Variants in PRMT7 observed in about 807,000 individuals in gnomAD.
The protein encoded by PRMT7 is protein arginine methyltransferase 7, also known as protein arginine N-methyltransferase 7.
PRMT7 carries 75 observed loss-of-function variants against 85.4 expected under a neutral mutation model. The observed-to-expected ratio is 0.88, with a 90% confidence interval of 0.73 to 1.06. PRMT7 has a LOEUF of 1.06. Among genes scored for constraint, PRMT7 ranks in the 50% least tolerant of loss-of-function variants. PRMT7 has a pLI of 0.00. For missense variants in PRMT7, 868 were observed against 915.2 expected, an observed-to-expected ratio of 0.95 and a Z score of 0.67; for synonymous variants, 397 against 359.5, an observed-to-expected ratio of 1.10 and a Z score of -1.18.
intron 2 of PRMT7, among the ~76,000 whole-genome samples, chr16:68,313,260 A>G (rs932833863): frequency 1.3e-5 from 2 of 152,160 alleles, no homozygotes; most frequent in Admixed American, 6.5e-5. Flanking sequence ...TAACGTGCCA[A>G]TGTAGTAAAG....
At chr16:68,353,306 G>T in intron 15 of PRMT7, 186 bp from the exon 16 acceptor site, 1 of 1,319,458 alleles carries the variant, frequency 7.6e-7, no homozygotes, top group South Asian at 1.6e-5. Flanking sequence ...GTCAGAGCTT[G>T]CAGGTTCCCG....
At chr16:68,335,576 T>C (rs2084546757) in intron 6 of PRMT7, among the ~76,000 whole-genome samples, 2 of 151,514 alleles carry the variant, frequency 1.3e-5, no homozygotes, top group Non-Finnish European at 2.9e-5. Context: ...GTGAGCTTCA[T>C]AGGAAGTGTG....
chr16:68,347,407 G>A (rs2086581654), intron 12 of PRMT7, 113 bp downstream of exon 12: 2 of 1,179,736 alleles, frequency 1.7e-6, no homozygotes, highest in East Asian at 5.2e-5. Flanking sequence ...CACTGTTGTG[G>A]GCACAGCATG....
chr16:68,348,124 A>G (rs1325247162), intron 13 of PRMT7, among the ~76,000 whole-genome samples: 2 of 152,002 alleles, frequency 1.3e-5, no homozygotes, highest in Non-Finnish European at 2.9e-5. Context: ...TGCGGGAGAA[A>G]TTTCTTTTGC....
intron 4 of PRMT7, chr16:68,323,737 C>A (rs2082774406): frequency 6.6e-6 from 1 of 152,184 alleles, no homozygotes; most frequent in Non-Finnish European, 1.5e-5. Context: ...TGTTATTTAA[C>A]AAATTACCTT....
At chr16:68,323,043 T>C (rs568733829) in intron 4 of PRMT7, among the ~76,000 whole-genome samples, 10 of 151,642 alleles carry the variant, frequency 6.6e-5, no homozygotes, top group Non-Finnish European at 8.8e-5. Context: ...AAAAAAAAAA[T>C]TGTGGTAAAA....
intron 6 of PRMT7, among the ~76,000 whole-genome samples, chr16:68,333,398 T>A (rs2084191904): frequency 6.6e-6 from 1 of 151,826 alleles, no homozygotes; most frequent in South Asian, 2.1e-4. Flanking sequence ...GGAGAATTGC[T>A]TGAACCTGGG....
intron 6 of PRMT7, among the ~76,000 whole-genome samples, chr16:68,333,008 T>A (rs956506487): frequency 6.6e-5 from 10 of 152,188 alleles, no homozygotes; most frequent in East Asian, 1.9e-4. Flanking sequence ...TTATTTATTT[T>A]TTTTTGAGAC....
intron 2 of PRMT7, 86 bp from the exon 3 acceptor site, chr16:68,315,811 T>C (rs1035441048): frequency 4.7e-6 from 3 of 633,088 alleles, no homozygotes; most frequent in East Asian, 5.8e-5. Flanking sequence ...CCTTCCCCCC[T>C]CCACATTTTG....
intron 6 of PRMT7, among the ~76,000 whole-genome samples, chr16:68,336,174 A>G (rs1015176832): frequency 3.2e-4 from 48 of 152,292 alleles, no homozygotes; most frequent in African/African-American, 9.1e-4. Context: ...ATTATAATTC[A>G]TGAGGCATTA....
chr16:68,315,066 C>T (rs977635013), intron 2 of PRMT7: 11 of 151,224 alleles, frequency 7.3e-5, no homozygotes, highest in African/African-American at 2.7e-4. Context: ...TGCTTGAGCC[C>T]AGGAGTTTGA....
At chr16:68,350,612 T>A (rs1022076446) in intron 14 of PRMT7, among the ~76,000 whole-genome samples, 5 of 152,254 alleles carry the variant, frequency 3.3e-5, no homozygotes, top group Non-Finnish European at 5.9e-5. Context: ...TATTGAGATA[T>A]AATTCACATA....
chr16:68,341,695 G>T (rs1292203435), intron 9 of PRMT7, among the ~76,000 whole-genome samples: 1 of 152,108 alleles, frequency 6.6e-6, no homozygotes, highest in South Asian at 2.1e-4. Flanking sequence ...GGCGTGAGCC[G>T]CTATGCCCGG....
chr16:68,328,893 C>T (rs1346606828), intron 5 of PRMT7, among the ~76,000 whole-genome samples, 173 bp from the exon 6 acceptor site: 3 of 152,176 alleles, frequency 2.0e-5, no homozygotes, highest in African/African-American at 4.8e-5. Flanking sequence ...TCCCTAATCA[C>T]AAGTTAAAGC....
intron 11 of PRMT7, 27 bp downstream of exon 11, chr16:68,346,307 G>T: frequency 3.1e-6 from 5 of 1,611,164 alleles, no homozygotes; most frequent in Non-Finnish European, 4.2e-6. Flanking sequence ...TTGGCTTGTT[G>T]TGGGGAAAAG....
intron 14 of PRMT7, among the ~76,000 whole-genome samples, chr16:68,350,333 A>G (rs1189919292): frequency 6.6e-6 from 1 of 152,144 alleles, no homozygotes; most frequent in African/African-American, 2.4e-5. Flanking sequence ...ACTTTTTAAG[A>G]AGCTGCTGAA....
Position 68,337,463 on chromosome 16 carries a change from T to C in PRMT7, c.396T>C (p.Gly132=). ...CTGTTTTCTTGTGTTTTTCAGAGGG[T>C]GACATGCCATGCCGTGCCAACATCC... ...HSTEVTVGPE[G]DMPCRANILV... Residue 132 remains glycine, a synonymous_variant, in exon 7 of 19, where the codon GGT becomes GGC. Transcript: ENST00000441236. The C allele has an allele frequency of 1.2e-6, 2 of 1,606,438 alleles. No individual in the cohort carries two copies. The highest frequency in any genetic ancestry group is 1.7e-6 in the Non-Finnish European group (2 of 1,176,770).
chr16:68,345,996 C>A, intron 10 of PRMT7, 149 bp from the exon 11 acceptor site: 1 of 1,353,612 alleles, frequency 7.4e-7, no homozygotes, highest in Non-Finnish European at 1.0e-6. Flanking sequence ...TTGCTGGAAT[C>A]TGTTTAGAGC....
chr16:68,339,185 A>T (rs1307602359), intron 7 of PRMT7, 137 bp from the exon 8 acceptor site: 8 of 1,122,986 alleles, frequency 7.1e-6, no homozygotes, highest in Non-Finnish European at 1.0e-5. Flanking sequence ...AAAACAGTTC[A>T]CTATTCTAAT....
Sources: gnomAD v4.1 joint callset for allele counts (sites outside exome capture counted in the v4.1 genomes callset) on GRCh38, gnomAD v4.1.1 for gene constraint, MANE v1.5 for transcripts, NCBI Gene and HGNC (gene_info 2026-07-23, HGNC 2026-07-21) for gene names.